AFAP1: variants seen among roughly 807,000 people sequenced by gnomAD.
The protein encoded by AFAP1 is actin filament-associated protein 1.
Under a neutral mutation model 93.9 loss-of-function variants are expected in AFAP1, and 75 were observed. The observed-to-expected ratio is 0.80, with a 90% CI of 0.66 to 0.97. The LOEUF (loss-of-function observed/expected upper bound fraction) is 0.97, where lower values mean the gene tolerates loss of function less well. AFAP1 is among the 50% of genes least tolerant of loss of function. The pLI, the probability that AFAP1 is intolerant of heterozygous loss-of-function variation, is 0.00. For missense variants in AFAP1, 1,201 were observed against 1,050.8 expected (o/e 1.14, Z -1.98); for synonymous variants, 517 against 430.7 (o/e 1.20, Z -2.48).
chr4:7,854,307 A>G (rs1429029886), intron 4 of AFAP1, among the ~76,000 whole-genome samples: 1 of 151,874 alleles, frequency 6.6e-6, no homozygotes, highest in African/African-American at 2.4e-5. Context: ...ACAACTAAGT[A>G]TTGACATTTG....
chr4:7,843,184 G>C lies in AFAP1; in HGVS notation c.501C>G (p.Gly167=), dbSNP rs1713262901. The change falls in exon 5 of 18, where the codon GGC becomes GGG. Residue 167 remains glycine (G), a synonymous_variant. Coordinates refer to ENST00000420658, the MANE Select transcript of AFAP1 (RefSeq NM_001134647.2). ...TGACGCAGAGCAACTTGGTCCACTG[G>C]CCGAACCGCTTCTTCCGCAGCAGGA... is the stretch of plus-strand genomic sequence containing the variant. ...CAFLLRKKRF[G]QWTKLLCVIK... 6 of 1,614,188 alleles carry C rather than the reference G, an allele frequency of 3.7e-6. No individual in the cohort carries two copies. The highest frequency in any genetic ancestry group is 5.1e-6 in the Non-Finnish European group (6 of 1,180,044).
At chr4:7,933,461 T>G (rs940726374) in intron 1 of AFAP1, among the ~76,000 whole-genome samples, 1 of 152,094 alleles carries the variant, frequency 6.6e-6, no homozygotes. Flanking sequence ...TAATCCCAGC[T>G]ACTCAGGAGG....
At chr4:7,798,814 C>A (rs1348844609) in intron 10 of AFAP1, 37 of 919,084 alleles carry the variant, frequency 4.0e-5, no homozygotes, top group Admixed American at 6.0e-5. Context: ...CCAAACAGCT[C>A]CTGACTTCCA....
At chr4:7,798,280 C>CTGGCTGGCTCACGGCATTGCAACCCTAT (rs1329831570) in intron 10 of AFAP1, among the ~76,000 whole-genome samples, 1 of 99,788 alleles carries the variant, frequency 1.0e-5, no homozygotes, top group Non-Finnish European at 2.1e-5. Context: ...TGCAACTCTA[C>CTGGCTGGCTCACGGCATTGCAACCCTAT]TGGCTGGCTC....
At chr4:7,914,938 G>A (rs920088906) in intron 1 of AFAP1, among the ~76,000 whole-genome samples, 1 of 152,084 alleles carries the variant, frequency 6.6e-6, no homozygotes, top group African/African-American at 2.4e-5. Context: ...TAGTAGAGAT[G>A]CGGTTTTACC....
In AFAP1 at chr4:7,939,804, C is replaced by G. The variant is rs554071457; in HGVS notation, c.-151G>C. 8.2e-5 allele frequency: 27 copies of G among 331,052 alleles called. No homozygotes were observed. The Admixed American group carries it at 1.2e-3, about 15-fold the overall frequency. 20.5% of individuals were successfully genotyped at this position (331,052 alleles called of 1,614,324 possible). ...GCCGCCTCAGCCCGTGTACCCCGCT[C>G]GAGATCCGGCTCGGCTCGCGGAGCT... On this transcript the variant is annotated 5_prime_UTR_variant, in exon 1 of 18. Transcript: ENST00000420658. The surrounding 1 kb of genome is among the most constrained non-coding windows in gnomAD (Gnocchi z 5.6).
At chr4:7,894,862 G>A (rs544323583) in intron 1 of AFAP1, among the ~76,000 whole-genome samples, 4 of 152,262 alleles carry the variant, frequency 2.6e-5, no homozygotes, top group Admixed American at 1.3e-4. Context: ...CTCCAACCAC[G>A]AGGGGAAGGA....
chr4:7,762,657 C>T lies in AFAP1; in HGVS notation c.*1108G>A, dbSNP rs1187817609. 1 of 152,228 alleles carries T rather than the reference C, an allele frequency of 6.6e-6. No homozygotes were observed. The highest frequency in any genetic ancestry group is 1.5e-5 in the Non-Finnish European group (1 of 68,066). 9.4% of individuals were successfully genotyped at this position (152,228 alleles called of 1,614,324 possible). On this transcript the variant is annotated 3_prime_UTR_variant, in exon 18 of 18. Transcript: ENST00000420658. ...GGAAAGAGGCCCTACTTGCACCCAC[C>T]CTACTCAGGAGAGGCAGCACGGCCA...
chr4:7,871,281 T>C (rs1306762337), intron 2 of AFAP1, among the ~76,000 whole-genome samples: 2 of 152,148 alleles, frequency 1.3e-5, no homozygotes, highest in Non-Finnish European at 2.9e-5. Flanking sequence ...ATTTCAGAAG[T>C]GATCCCACCA....
At chr4:7,834,130 T>C (rs533856755) in intron 6 of AFAP1, among the ~76,000 whole-genome samples, 644 of 44,416 alleles carry the variant, frequency 0.014, 1 homozygote, top group Middle Eastern at 0.02. Context: ...CACACACACA[T>C]ATATACAATG....
chr4:7,897,092 T>C (rs1052247810), intron 1 of AFAP1, among the ~76,000 whole-genome samples: 2 of 152,176 alleles, frequency 1.3e-5, no homozygotes, highest in Non-Finnish European at 2.9e-5. Context: ...AATCCCATGA[T>C]GTTTATCTTC....
At chr4:7,851,709 C>T (rs1207653247) in intron 4 of AFAP1, among the ~76,000 whole-genome samples, 3 of 152,134 alleles carry the variant, frequency 2.0e-5, no homozygotes, top group Admixed American at 6.5e-5. Context: ...ATGGAAAATC[C>T]GACTCCAGGT....
intron 16 of AFAP1, among the ~76,000 whole-genome samples, chr4:7,770,754 A>T (rs1339044626): frequency 6.6e-6 from 1 of 152,138 alleles, no homozygotes; most frequent in African/African-American, 2.4e-5. Flanking sequence ...CTCAAACAGA[A>T]CCAGAGGACG....
chr4:7,885,907 C>T (rs768855602), intron 1 of AFAP1, among the ~76,000 whole-genome samples: 10 of 152,168 alleles, frequency 6.6e-5, no homozygotes, highest in Non-Finnish European at 1.2e-4. Context: ...TATCAGAACT[C>T]GAGTGGCACT....
intron 1 of AFAP1, among the ~76,000 whole-genome samples, chr4:7,875,976 G>C (rs1560215439): frequency 6.6e-6 from 1 of 152,134 alleles, no homozygotes; most frequent in Non-Finnish European, 1.5e-5. Context: ...AACAGTTTGG[G>C]ATGATGAAAA....
At chr4:7,925,098 C>T (rs1465722323) in intron 1 of AFAP1, among the ~76,000 whole-genome samples, 1 of 152,186 alleles carries the variant, frequency 6.6e-6, no homozygotes, top group African/African-American at 2.4e-5. Context: ...CACCGACTCC[C>T]TTGCCACAGC....
In AFAP1 at chr4:7,761,972, G is replaced by C. The variant is rs1042076947; in HGVS notation, c.*1793C>G. On this transcript the variant is annotated 3_prime_UTR_variant, in exon 18 of 18. Transcript: ENST00000420658. ...TGGGCCTCCACGGACTAGGCCGGGA[G>C]GAACGTGCATCAGAGGGGAAAGAAA... is the stretch of plus-strand genomic sequence containing the variant. The C allele has an allele frequency of 2.0e-5, 3 of 152,270 alleles. No individual in the cohort carries two copies. The highest frequency in any genetic ancestry group is 4.8e-5 in the African/African-American group (2 of 41,454). 9.4% of individuals were successfully genotyped at this position (152,270 alleles called of 1,614,324 possible). A position where few individuals can be genotyped will look rare whatever the true frequency, so the allele number is the denominator to read the frequency against.
intron 1 of AFAP1, among the ~76,000 whole-genome samples, chr4:7,905,150 C>T (rs188977329): frequency 1.3e-5 from 2 of 152,294 alleles, no homozygotes; most frequent in Admixed American, 6.5e-5. Flanking sequence ...AAGTTGAAGG[C>T]ATGCCAGCTC....
rs1379501562 is a variant in AFAP1, at chr4:7,762,353, T to C, written c.*1412A>G. 6.6e-6 allele frequency: 1 copy of C among 152,232 alleles called. No homozygotes were observed. The allele number at this position is 152,232 out of a possible 1,614,324, so 9.4% of individuals were successfully genotyped here. On this transcript the variant is annotated 3_prime_UTR_variant, in exon 18 of 18. Transcript: ENST00000420658. Reference sequence around the variant, plus strand: ...AGGCTTACACCAAGTATGGCACCTCTGTATTCTATGCTTGGGGAAGGGGCG... The same window carrying C: ...AGGCTTACACCAAGTATGGCACCTCCGTATTCTATGCTTGGGGAAGGGGCG...
Sources: gnomAD v4.1 joint callset for allele counts (sites outside exome capture counted in the v4.1 genomes callset) on GRCh38, gnomAD v4.1.1 for gene constraint, Gnocchi (gnomAD v3.1) non-coding constraint, MANE v1.5 for transcripts, NCBI Gene and HGNC (gene_info 2026-07-23, HGNC 2026-07-21) for gene names.